MUC17: variants seen among roughly 807,000 people sequenced by gnomAD.
MUC17 encodes mucin 17, cell surface associated, also known as mucin-17.
A neutral mutation model predicts 170.3 loss-of-function variants in MUC17; 190 were observed. The ratio of observed to expected loss-of-function variants is 1.12; its 90% CI spans 0.99 to 1.26. MUC17 has a LOEUF of 1.26. Ranked by LOEUF, MUC17 falls within the 50% of genes most tolerant of loss-of-function variation. The probability of loss-of-function intolerance (pLI) is 0.00; values close to 1 mark genes in which losing one functional copy is unlikely to be tolerated. For synonymous variants in MUC17, 2,325 were observed against 2,002.5 expected, an observed-to-expected ratio of 1.16 and a Z score of -4.30; for missense variants, 6,415 against 5,530.0, an observed-to-expected ratio of 1.16 and a Z score of -5.08.
chr7:101,048,104 G>A lies in MUC17; in HGVS notation c.12524G>A (p.Ser4175Asn). The A allele has an allele frequency of 1.3e-6, 2 of 1,599,916 alleles. No individual in the cohort carries two copies. Among genetic ancestry groups the A allele is most frequent in the Non-Finnish European group, 1.7e-6 (2 of 1,173,878 alleles). ...YGELCEEVVS[S>N]IDIGPPETIS... ...GAGTTGTGTGAGGAGGTGGTCAGCA[G>A]CATTGACATAGGTGAGTGCAACCCC... The change falls in exon 4 of 13, where the codon AGC becomes AAC. Residue 4175 changes from serine (S) to asparagine (N), a missense_variant. By Grantham distance (46) the Ser-to-Asn change is conservative. Coordinates refer to ENST00000306151, the MANE Select transcript of MUC17 (RefSeq NM_001040105.2).
At chr7:101,049,206 G>T in intron 5 of MUC17, 118 bp from the exon 6 acceptor site, 1 of 1,489,676 alleles carries the variant, frequency 6.7e-7, no homozygotes, top group South Asian at 1.1e-5. Flanking sequence ...CACTCCATTT[G>T]ATGAGTGTGC....
In MUC17 at chr7:101,039,892, G is replaced by A. The variant is rs768782674; in HGVS notation, c.8476G>A (p.Glu2826Lys). 6 of 1,612,716 alleles carry A rather than the reference G, an allele frequency of 3.7e-6. No individual in the cohort carries two copies. In the South Asian group the frequency reaches 5.5e-5, roughly 15 times the overall value. The change falls in exon 3 of 13, where the codon GAG (glutamate) becomes AAG (lysine). Residue 2826 changes from glutamate (E) to lysine (K), a missense_variant. Glu to Lys is a moderately conservative substitution (Grantham distance 56). Transcript: ENST00000306151. ...PVNHTPVASS[E>K]AGTLSTTPVD... is the part of the protein sequence containing the mutation. ...CAACCACACGCCAGTGGCCAGTTCT[G>A]AGGCTGGCACCCTTTCAACAACTCC...
chr7:101,027,015 C>T (rs1584855682), intron 1 of MUC17, among the ~76,000 whole-genome samples: 1 of 152,174 alleles, frequency 6.6e-6, no homozygotes, highest in East Asian at 1.9e-4. Context: ...CATGCCTGGC[C>T]TATTTTATTT....
intron 1 of MUC17, among the ~76,000 whole-genome samples, chr7:101,026,576 C>T (rs4729644): frequency 0.19 from 28,565 of 152,116 alleles, 3,460 homozygotes; most frequent in African/African-American, 0.33. Flanking sequence ...CAAGGCCCTT[C>T]GTTCAAAGAT....
intron 1 of MUC17, among the ~76,000 whole-genome samples, chr7:101,027,828 G>A (rs1794207977): frequency 1.3e-5 from 2 of 151,888 alleles, no homozygotes; most frequent in Admixed American, 1.3e-4. Context: ...CTGGAGTGCA[G>A]TGATGCAATC....
intron 11 of MUC17, among the ~76,000 whole-genome samples, chr7:101,054,666 A>G (rs1335482831): frequency 6.6e-6 from 1 of 152,088 alleles, no homozygotes; most frequent in African/African-American, 2.4e-5. Context: ...AAAAAATTAA[A>G]AAAATTAGCC....
At position 101,036,131 on chromosome 7, in the gene MUC17, G is replaced by A. The variant is rs1467847715; in HGVS notation, c.4715G>A (p.Ser1572Asn). ...CAAACCTCAACTTATAGTGAAGGAAGCACTCCACTAACAAGTTTGCCTGTC... is the reference window on the plus strand; with the variant it reads ...CAAACCTCAACTTATAGTGAAGGAAACACTCCACTAACAAGTTTGCCTGTC... ...SMQTSTYSEG[S>N]TPLTSLPVST... Residue 1572 changes from serine to asparagine, a missense_variant, in exon 3 of 13, where the codon AGC becomes AAC. Ser to Asn is a conservative substitution (Grantham distance 46). Transcript: ENST00000306151. 5.0e-6 allele frequency: 8 copies of A among 1,612,802 alleles called. No individual in the cohort carries two copies. Among genetic ancestry groups the A allele is most frequent in the Non-Finnish European group, 6.8e-6 (8 of 1,179,254 alleles).
chr7:101,035,660 C>T lies in MUC17; in HGVS notation c.4244C>T (p.Thr1415Ile). 6.2e-7 allele frequency: 1 copy of T among 1,609,218 alleles called. No individual in the cohort carries two copies. Among genetic ancestry groups the T allele is most frequent in the African/African-American group, 1.3e-5 (1 of 74,892 alleles). Residue 1415 changes from threonine (T) to isoleucine (I), a missense_variant, in exon 3 of 13, where the codon ACC becomes ATC. By Grantham distance (89) the Thr-to-Ile change is moderately conservative (BLOSUM62 -1). Coordinates refer to ENST00000306151, the MANE Select transcript of MUC17 (RefSeq NM_001040105.2). ...TTPVVSSEAS[T>I]LSATPVDTST... ...CCGGTAGTCAGTTCTGAGGCTAGCA[C>T]CCTTTCAGCAACTCCTGTTGACACC... is the stretch of plus-strand genomic sequence containing the variant.
At position 101,038,296 on chromosome 7, in the gene MUC17, T is replaced by C. The variant is rs756145086; in HGVS notation, c.6880T>C (p.Ser2294Pro). 1 of 1,613,506 alleles carries C rather than the reference T, an allele frequency of 6.2e-7. No individual in the cohort carries two copies. The highest frequency in any genetic ancestry group is 8.5e-7 in the Non-Finnish European group (1 of 1,179,732). Reference sequence around the variant, plus strand: ...TGTCAGCCACACGCTGGTGGCCAATTCTGAGGTTAGCACCCTTTCAACAAC... The same window carrying C: ...TGTCAGCCACACGCTGGTGGCCAATCCTGAGGTTAGCACCCTTTCAACAAC... ...IPVSHTLVAN[S>P]EVSTLSTTPV... is the part of the protein sequence containing the mutation. Residue 2294 changes from serine (S) to proline (P), a missense_variant, in exon 3 of 13, where the codon TCT becomes CCT. By Grantham distance (74) the Ser-to-Pro change is moderately conservative. Transcript: ENST00000306151.
At position 101,033,645 on chromosome 7, in the gene MUC17, T is replaced by A. The variant is rs141963005; in HGVS notation, c.2229T>A (p.Ser743Arg). The A allele has an allele frequency of 3.4e-4, 556 of 1,613,608 alleles. 5 individuals are homozygous for A. The East Asian group carries it at 0.01, about 30-fold the overall frequency. The change falls in exon 3 of 13, where the codon AGT becomes AGA. Residue 743 changes from serine to arginine, a missense_variant. Physicochemically the swap from Ser to Arg is moderately radical, Grantham distance 110. Transcript: ENST00000306151. ...DGASMPTSTP[S>R]EGSTPLTSMP... The stretch of plus-strand genomic sequence containing the variant: ...CCAGTATGCCAACCTCAACTCCTAG[T>A]GAAGGAAGCACTCCATTAACAAGTA...
At position 101,020,081 on chromosome 7, in the gene MUC17, C is replaced by T. The variant is rs901647032; in HGVS notation, c.-55C>T. 21 of 1,499,728 alleles carry T rather than the reference C, an allele frequency of 1.4e-5. No homozygotes were observed. Among genetic ancestry groups the T allele is most frequent in the African/African-American group, 1.1e-4 (8 of 70,836 alleles). 92.9% of individuals were successfully genotyped at this position (1,499,728 alleles called of 1,614,324 possible). Reference sequence around the variant, plus strand: ...TTTATCAGTTTCCTTCTCTGAGGCTCATTTCGCCAGCTCCTCTGGGGGTGA... The same window carrying T: ...TTTATCAGTTTCCTTCTCTGAGGCTTATTTCGCCAGCTCCTCTGGGGGTGA... On this transcript the variant is annotated 5_prime_UTR_variant, in exon 1 of 13. Coordinates refer to ENST00000306151, the MANE Select transcript of MUC17 (RefSeq NM_001040105.2).
chr7:101,039,767 C>A lies in MUC17; in HGVS notation c.8351C>A (p.Thr2784Asn). The A allele has an allele frequency of 6.2e-7, 1 of 1,610,128 alleles. No individual in the cohort carries two copies. Among genetic ancestry groups the A allele is most frequent in the Non-Finnish European group, 8.5e-7 (1 of 1,177,620 alleles). ...TAVDTSIPVT[T>N]STEASSSPTT... is the part of the protein sequence containing the mutation. ...GTTGACACCAGCATACCTGTCACCA[C>A]TTCTACTGAAGCCAGTTCCTCTCCT... Residue 2784 changes from threonine (T) to asparagine (N), a missense_variant, in exon 3 of 13, where the codon ACT becomes AAT. Coordinates refer to ENST00000306151, the MANE Select transcript of MUC17 (RefSeq NM_001040105.2).
intron 1 of MUC17, among the ~76,000 whole-genome samples, chr7:101,027,386 G>A (rs1427165524): frequency 6.6e-6 from 1 of 151,802 alleles, no homozygotes; most frequent in Non-Finnish European, 1.5e-5. Context: ...CCGCCCCTTG[G>A]TCCCCTAAAG....
Position 101,042,855 on chromosome 7 carries a change from C to A in MUC17, c.11439C>A (p.Ser3813Arg), listed in dbSNP as rs1361099540. The change falls in exon 3 of 13, where the codon AGC becomes AGA. Residue 3813 changes from serine (S) to arginine (R), a missense_variant. Transcript: ENST00000306151. ...CTATGTCAACTACGAGTGAAAGAAG[C>A]ACTTTATTGACAACTGTCCTCATCA... ...TMPMSTTSER[S>R]TLLTTVLISP... is the part of the protein sequence containing the mutation. The A allele has an allele frequency of 1.9e-6, 3 of 1,614,000 alleles. No individual in the cohort carries two copies. Among genetic ancestry groups the A allele is most frequent in the African/African-American group, 1.3e-5 (1 of 74,892 alleles).
chr7:101,050,675 C>T (rs1468056080), intron 7 of MUC17, 40 bp downstream of exon 7: 3 of 1,599,866 alleles, frequency 1.9e-6, no homozygotes, highest in East Asian at 4.5e-5. Flanking sequence ...GAGAAGGCAT[C>T]AGAGCTGGGG....
At position 101,037,197 on chromosome 7, in the gene MUC17, A is replaced by G. The variant is rs777758568; in HGVS notation, c.5781A>G (p.Pro1927=). Residue 1927 remains proline (P), a synonymous_variant, in exon 3 of 13, where the codon CCA becomes CCG. Coordinates refer to ENST00000306151, the MANE Select transcript of MUC17 (RefSeq NM_001040105.2). ...CAACTCCTAGGGAAGGAAGGCCTCCATTAACAAGTATACCTGTCAGCACCA... is the reference window on the plus strand; with the variant it reads ...CAACTCCTAGGGAAGGAAGGCCTCCGTTAACAAGTATACCTGTCAGCACCA... ...PTSTPREGRP[P]LTSIPVSTTT... 1.9e-6 allele frequency: 3 copies of G among 1,613,542 alleles called. No homozygotes were observed. The highest frequency in any genetic ancestry group is 4.5e-5 in the East Asian group (2 of 44,830).
chr7:101,048,925 C>T lies in MUC17; in HGVS notation c.12616C>T (p.His4206Tyr). 6.2e-7 allele frequency: 1 copy of T among 1,613,986 alleles called. No homozygotes were observed. The highest frequency in any genetic ancestry group is 1.1e-5 in the South Asian group (1 of 91,060). The change falls in exon 5 of 13, where the codon CAC becomes TAC. Residue 4206 changes from histidine to tyrosine, a missense_variant. By Grantham distance (83) the His-to-Tyr change is moderately conservative. Transcript: ENST00000306151. ...SVKFTEELKN[H>Y]SSQEFQEFKQ... Reference sequence around the variant, plus strand: ...GAAGTTCACCGAAGAGCTAAAAAACCACTCTTCCCAGGAATTCCAGGAGTT... The same window carrying T: ...GAAGTTCACCGAAGAGCTAAAAAACTACTCTTCCCAGGAATTCCAGGAGTT...
At chr7:101,022,508 A>T (rs1270743570) in intron 1 of MUC17, among the ~76,000 whole-genome samples, 1 of 152,078 alleles carries the variant, frequency 6.6e-6, no homozygotes, top group East Asian at 1.9e-4. Context: ...TGTCTACCCC[A>T]GCTCCCTACT....
chr7:101,049,791 AAT>A (rs1051449806), intron 6 of MUC17, among the ~76,000 whole-genome samples: 17 of 152,196 alleles, frequency 1.1e-4, no homozygotes, highest in Admixed American at 1.1e-3. Context: ...CCTATCTCCA[AAT>A]ATAGTCACAT....
Sources: allele counts gnomAD v4.1 joint callset (sites outside exome capture counted in the v4.1 genomes callset), GRCh38; gene constraint gnomAD v4.1.1; transcripts MANE v1.5; gene names NCBI Gene and HGNC (gene_info 2026-07-23, HGNC 2026-07-21).